The following ASCC3 variants were observed in gnomAD, a reference collection of about 807,000 sequenced individuals.
The protein encoded by ASCC3 is ASC-1 complex subunit P200.
A neutral mutation model predicts 256.3 loss-of-function variants in ASCC3; 158 were observed. The ratio of observed to expected loss-of-function variants is 0.62; its 90% CI spans 0.54 to 0.70. The LOEUF (loss-of-function observed/expected upper bound fraction) is 0.70, where lower values mean the gene tolerates loss of function less well. Ranked by LOEUF, ASCC3 falls within the 30% of genes least tolerant of loss-of-function variation. ASCC3 has a pLI of 0.00. For synonymous variants in ASCC3, 948 were observed against 883.4 expected, an observed-to-expected ratio of 1.07 and a Z score of -1.30; for missense variants, 2,259 against 2,626.0, an observed-to-expected ratio of 0.86 and a Z score of 3.05.
chr6:100,856,858 G>A (rs1219987830), intron 3 of ASCC3: 1 of 152,122 alleles, frequency 6.6e-6, no homozygotes, highest in Non-Finnish European at 1.5e-5. Flanking sequence ...GAACTGGGTT[G>A]TTTCTACATT....
chr6:100,642,451 A>G (rs1222710466), intron 24 of ASCC3, 130 bp downstream of exon 24: 5 of 938,378 alleles, frequency 5.3e-6, no homozygotes, highest in South Asian at 1.5e-5. Context: ...CAAATGAAAT[A>G]AAAAGGGAGT....
intron 3 of ASCC3, 69 bp from the exon 4 acceptor site, chr6:100,848,776 AT>A (rs1489274513): frequency 1.4e-6 from 2 of 1,435,430 alleles, no homozygotes; most frequent in Admixed American, 3.4e-5. Context: ...CTTCCAAAAA[AT>A]TACCACAAAT....
chr6:100,880,155 C>T (rs190265390), intron 1 of ASCC3, among the ~76,000 whole-genome samples: 2 of 152,112 alleles, frequency 1.3e-5, no homozygotes, highest in East Asian at 3.9e-4. Context: ...AGCTTAAGAG[C>T]ATCTTTAAGG....
At chr6:100,725,348 T>C (rs576322918) in intron 11 of ASCC3, among the ~76,000 whole-genome samples, 191 bp downstream of exon 11, 12 of 152,152 alleles carry the variant, frequency 7.9e-5, no homozygotes, top group African/African-American at 2.6e-4. Context: ...AATTTTGGTT[T>C]GGGCTATTTA....
intron 36 of ASCC3, among the ~76,000 whole-genome samples, chr6:100,582,754 A>C (rs1421384540): frequency 6.6e-6 from 1 of 152,070 alleles, no homozygotes; most frequent in African/African-American, 2.4e-5. Context: ...ATTTTGAGAT[A>C]TGCCCCATCA....
chr6:100,605,656 C>G lies in ASCC3; in HGVS notation c.5089G>C (p.Asp1697His), dbSNP rs1180554376. The G allele has an allele frequency of 1.9e-6, 3 of 1,612,506 alleles. No homozygotes were observed. The African/African-American group carries it at 4.0e-5, about 22-fold the overall frequency. Reference sequence around the variant, plus strand: ...ACTAGAATTACAGCTTTGCCTTGGTCATCGAACTGCGGCCTCCCAGCACGC... The same window carrying G: ...ACTAGAATTACAGCTTTGCCTTGGTGATCGAACTGCGGCCTCCCAGCACGC... ...MGRAGRPQFD[D>H]QGKAVILVHD... The change falls in exon 33 of 42, where the codon GAC becomes CAC. Residue 1697 changes from aspartate to histidine, a missense_variant. Coordinates refer to ENST00000369162, the MANE Select transcript of ASCC3 (RefSeq NM_006828.4).
At chr6:100,727,185 AG>A (rs1779672075) in intron 10 of ASCC3, among the ~76,000 whole-genome samples, 1 of 151,990 alleles carries the variant, frequency 6.6e-6, no homozygotes, top group Non-Finnish European at 1.5e-5. Flanking sequence ...TTCCTCCTTG[AG>A]GAGGGGAAGA....
At chr6:100,820,979 G>A (rs1428785363) in intron 4 of ASCC3, among the ~76,000 whole-genome samples, 1 of 152,154 alleles carries the variant, frequency 6.6e-6, no homozygotes, top group Admixed American at 6.6e-5. Flanking sequence ...TTTTGGCAAG[G>A]ATGTGGAGAA....
chr6:100,527,661 G>T (rs1433680590), intron 37 of ASCC3, among the ~76,000 whole-genome samples: 3 of 152,078 alleles, frequency 2.0e-5, no homozygotes, highest in Middle Eastern at 3.4e-3. Context: ...CTACAAATGA[G>T]AATCATTTGT....
In ASCC3 at chr6:100,700,635, G is replaced by A. The variant is rs1196897159; in HGVS notation, c.2151+14827C>T. 3.3e-5 allele frequency among the ~76,000 whole-genome samples: 5 copies of A among 152,336 alleles called. No homozygotes were observed. In the South Asian group the frequency reaches 8.3e-4, roughly 25 times the overall value. Reference sequence around the variant, plus strand: ...GGGGTGGAGCTGCTCAAGGCCATGGGAGCCCACCTCTTGCATTCAGCATGA... The same window carrying A: ...GGGGTGGAGCTGCTCAAGGCCATGGAAGCCCACCTCTTGCATTCAGCATGA... On this transcript the variant is annotated intron_variant, in intron 13 of 41. Coordinates refer to ENST00000369162, the MANE Select transcript of ASCC3 (RefSeq NM_006828.4).
At chr6:100,649,825 A>G (rs1775567904) in intron 20 of ASCC3, among the ~76,000 whole-genome samples, 1 of 151,704 alleles carries the variant, frequency 6.6e-6, no homozygotes, top group Non-Finnish European at 1.5e-5. Context: ...TTTTTTTAAA[A>G]AAGTATGTCT....
chr6:100,618,739 T>A (rs114781587), intron 30 of ASCC3, among the ~76,000 whole-genome samples: 1 of 152,362 alleles, frequency 6.6e-6, no homozygotes, highest in African/African-American at 2.4e-5. Context: ...CTGGACCTTC[T>A]GTATCACTGA....
At chr6:100,785,963 T>C (rs1271046422) in intron 8 of ASCC3, among the ~76,000 whole-genome samples, 1 of 152,052 alleles carries the variant, frequency 6.6e-6, no homozygotes, top group South Asian at 2.1e-4. Flanking sequence ...ATTTCAGATA[T>C]AATGGGAGTC....
Position 100,540,169 on chromosome 6 carries a change from T to C in ASCC3, c.5769A>G (p.Val1923=). 3.1e-6 allele frequency: 5 copies of C among 1,612,742 alleles called. No homozygotes were observed. The highest frequency in any genetic ancestry group is 4.2e-6 in the Non-Finnish European group (5 of 1,178,740). ...TKTVLDQALR[V]CQAMLDVAAN... ...TTAGAAATGACTTTCATACCTGACA[T>C]ACTCTGAGAGCTTGGTCCAAGACTG... The change falls in exon 37 of 42, where the codon GTA becomes GTG. Residue 1923 remains valine, a synonymous_variant. Coordinates refer to ENST00000369162, the MANE Select transcript of ASCC3 (RefSeq NM_006828.4).
chr6:100,748,767 C>T (rs7762637), intron 10 of ASCC3, among the ~76,000 whole-genome samples: 2,207 of 151,872 alleles, frequency 0.015, 46 homozygotes, highest in African/African-American at 0.051. Context: ...CATAGCAGAT[C>T]CAAGATTAGT....
chr6:100,587,978 T>C (rs1356423557), intron 36 of ASCC3, among the ~76,000 whole-genome samples: 1 of 152,172 alleles, frequency 6.6e-6, no homozygotes, highest in African/African-American at 2.4e-5. Flanking sequence ...AGCATGTATC[T>C]AGTTTTAAAT....
intron 36 of ASCC3, among the ~76,000 whole-genome samples, chr6:100,544,894 C>T (rs564586706): frequency 2.4e-4 from 36 of 152,142 alleles, no homozygotes; most frequent in Non-Finnish European, 4.4e-4. Context: ...CTCTCATAAA[C>T]GTAAAAATTC....
intron 8 of ASCC3, among the ~76,000 whole-genome samples, chr6:100,783,497 C>G (rs960842132): frequency 6.6e-6 from 1 of 152,194 alleles, no homozygotes; most frequent in Non-Finnish European, 1.5e-5. Flanking sequence ...ACGCTGCCTA[C>G]CAAGTGTCAG....
chr6:100,752,878 T>A (rs956275604), intron 10 of ASCC3, among the ~76,000 whole-genome samples: 1 of 152,012 alleles, frequency 6.6e-6, no homozygotes. Flanking sequence ...AGAGTAAGTA[T>A]GAAAAAAGGA....
Sources: allele counts gnomAD v4.1 joint callset (sites outside exome capture counted in the v4.1 genomes callset), GRCh38; gene constraint gnomAD v4.1.1; transcripts MANE v1.5; gene names NCBI Gene and HGNC (gene_info 2026-07-23, HGNC 2026-07-21).